Variants in DCC observed in about 807,000 individuals in gnomAD.
DCC encodes the protein netrin receptor DCC.
A neutral mutation model predicts 172.5 loss-of-function variants in DCC; 58 were observed. The observed-to-expected ratio is 0.34, with a 90% CI of 0.27 to 0.42. The LOEUF is 0.42. DCC is among the 10% of genes least tolerant of loss of function. The probability of loss-of-function intolerance (pLI) is 1.00; values close to 1 mark genes in which losing one functional copy is unlikely to be tolerated. For synonymous variants in DCC, 709 were observed against 644.5 expected, an observed-to-expected ratio of 1.10 and a Z score of -1.52; for missense variants, 1,740 against 1,791.0, an observed-to-expected ratio of 0.97 and a Z score of 0.51.
At chr18:53,087,298 C>A (rs578118885) in intron 7 of DCC, among the ~76,000 whole-genome samples, 25 of 151,468 alleles carry the variant, frequency 1.7e-4, no homozygotes, top group Non-Finnish European at 3.1e-4. Flanking sequence ...GCCATTCTAA[C>A]TGCTGTGAGA....
intron 1 of DCC, among the ~76,000 whole-genome samples, chr18:52,673,257 G>A (rs2035585924): frequency 6.6e-6 from 1 of 152,004 alleles, no homozygotes; most frequent in African/African-American, 2.4e-5. Context: ...TTTCATTTAT[G>A]TCCACTTTCT....
chr18:52,811,553 G>A (rs1051177315), intron 2 of DCC, among the ~76,000 whole-genome samples: 1 of 152,012 alleles, frequency 6.6e-6, no homozygotes, highest in Non-Finnish European at 1.5e-5. Context: ...TTTGGATTGA[G>A]TAAAATTTTC....
intron 5 of DCC, among the ~76,000 whole-genome samples, chr18:53,057,061 C>CT (rs1235936828): frequency 1.0e-4 from 11 of 109,720 alleles, no homozygotes; most frequent in African/African-American, 4.0e-4. Flanking sequence ...AGCTGAATAG[C>CT]TAAGTAACTT....
chr18:52,404,048 C>A (rs112620385), intron 1 of DCC, among the ~76,000 whole-genome samples: 4 of 152,124 alleles, frequency 2.6e-5, no homozygotes, highest in Admixed American at 6.6e-5. Flanking sequence ...TCCAACAGGG[C>A]ATGTCTTTGG....
chr18:52,773,960 C>T (rs189243817), intron 2 of DCC, among the ~76,000 whole-genome samples: 39 of 152,264 alleles, frequency 2.6e-4, no homozygotes, highest in African/African-American at 8.9e-4. Context: ...AACCAAATTT[C>T]CCCAATAATA....
At chr18:53,504,826 C>T (rs567468269) in intron 27 of DCC, among the ~76,000 whole-genome samples, 96 of 152,208 alleles carry the variant, frequency 6.3e-4, no homozygotes, top group African/African-American at 2.1e-3. Context: ...TTATAAGTGA[C>T]AAAGCAGAGG....
At chr18:53,079,968 G>T (rs1236855417) in intron 7 of DCC, among the ~76,000 whole-genome samples, 1 of 152,088 alleles carries the variant, frequency 6.6e-6, no homozygotes, top group Non-Finnish European at 1.5e-5. Flanking sequence ...TAGACTATGT[G>T]GGATAGGGAT....
intron 16 of DCC, among the ~76,000 whole-genome samples, chr18:53,387,308 C>T (rs1908233280): frequency 6.6e-6 from 1 of 152,144 alleles, no homozygotes; most frequent in Admixed American, 6.5e-5. Flanking sequence ...TTAGAAAATA[C>T]TGTCACTATA....
At chr18:53,278,155 A>G (rs1207201253) in intron 12 of DCC, among the ~76,000 whole-genome samples, 1 of 152,132 alleles carries the variant, frequency 6.6e-6, no homozygotes, top group Admixed American at 6.6e-5. Flanking sequence ...AACAGTATAA[A>G]TTTGGCACAG....
intron 1 of DCC, among the ~76,000 whole-genome samples, chr18:52,510,195 C>T (rs1350496628): frequency 2.0e-5 from 3 of 151,856 alleles, no homozygotes; most frequent in African/African-American, 4.8e-5. Context: ...TTCAGCTTAG[C>T]TTGTCTTGTA....
At chr18:52,531,274 A>G (rs1242576581) in intron 1 of DCC, among the ~76,000 whole-genome samples, 1 of 152,188 alleles carries the variant, frequency 6.6e-6, no homozygotes, top group Non-Finnish European at 1.5e-5. Flanking sequence ...ATAAAAACCT[A>G]AGACTTTGAT....
chr18:53,053,686 T>C (rs551614191), intron 5 of DCC, among the ~76,000 whole-genome samples: 92 of 152,300 alleles, frequency 6.0e-4, no homozygotes, highest in African/African-American at 2.0e-3. Context: ...CAGGGAATAC[T>C]AGAAAATATT....
At chr18:52,493,411 A>C (rs2030600988) in intron 1 of DCC, among the ~76,000 whole-genome samples, 1 of 152,068 alleles carries the variant, frequency 6.6e-6, no homozygotes, top group Non-Finnish European at 1.5e-5. Flanking sequence ...GAAACAATTG[A>C]ATTCTCTTTT....
At chr18:53,106,664 A>G (rs2043252583) in intron 7 of DCC, among the ~76,000 whole-genome samples, 1 of 151,978 alleles carries the variant, frequency 6.6e-6, no homozygotes, top group African/African-American at 2.4e-5. Flanking sequence ...TGGATCTAGA[A>G]CAATAAAGAA....
chr18:52,384,549 G>T (rs980460709), intron 1 of DCC, among the ~76,000 whole-genome samples: 1 of 152,154 alleles, frequency 6.6e-6, no homozygotes, highest in African/African-American at 2.4e-5. Flanking sequence ...CAACAGAAAT[G>T]AAGGTAACAA....
intron 22 of DCC, among the ~76,000 whole-genome samples, chr18:53,445,758 T>A (rs1173020793): frequency 6.6e-6 from 1 of 152,060 alleles, no homozygotes; most frequent in Non-Finnish European, 1.5e-5. Context: ...GCTGAAACAT[T>A]TTATCATGTT....
At position 53,163,975 on chromosome 18, in the gene DCC, AAAG is replaced by A. The variant is rs560763297; in HGVS notation, c.1418+6470_1418+6472del. Reference sequence around the variant, plus strand: ...AAGTATGTTTACCAAGATGAGACTTAAAGAAGAAGTTTATACCTCCATTATACA... The same window carrying A: ...AAGTATGTTTACCAAGATGAGACTTAAAGAAGTTTATACCTCCATTATACA... On this transcript the variant is annotated intron_variant, in intron 8 of 28. Coordinates refer to ENST00000442544, the MANE Select transcript of DCC (RefSeq NM_005215.4). Among the ~76,000 whole-genome samples, 4 of 152,268 alleles carry A rather than the reference AAAG, an allele frequency of 2.6e-5. No homozygotes were observed. In the East Asian group the frequency reaches 7.7e-4, roughly 29 times the overall value.
intron 1 of DCC, among the ~76,000 whole-genome samples, chr18:52,643,868 A>G (rs960396391): frequency 2.0e-5 from 3 of 152,202 alleles, no homozygotes; most frequent in Non-Finnish European, 4.4e-5. Flanking sequence ...TGTCCTGACA[A>G]GTATAGAGTA....
chr18:53,477,272 G>C (rs1262364773), intron 25 of DCC, among the ~76,000 whole-genome samples: 1 of 152,168 alleles, frequency 6.6e-6, no homozygotes, highest in African/African-American at 2.4e-5. Flanking sequence ...GCCTCCCAAA[G>C]TGTTGGGAGT....
Sources: gnomAD v4.1 joint callset for allele counts (sites outside exome capture counted in the v4.1 genomes callset) on GRCh38, gnomAD v4.1.1 for gene constraint, MANE v1.5 for transcripts, NCBI Gene and HGNC (gene_info 2026-07-23, HGNC 2026-07-21) for gene names.